CRYBG1: variants seen among roughly 807,000 people sequenced by gnomAD.
CRYBG1 encodes beta/gamma crystallin domain-containing protein 1.
A neutral mutation model predicts 189.2 loss-of-function variants in CRYBG1; 139 were observed. That is an observed-to-expected ratio of 0.73 (90% CI 0.64 to 0.85). CRYBG1 has a LOEUF of 0.85. Ranked by LOEUF, CRYBG1 falls within the 40% of genes least tolerant of loss-of-function variation. The pLI is 0.00. For missense variants in CRYBG1, 2,611 were observed against 2,675.8 expected (o/e 0.98, Z 0.53); for synonymous variants, 1,023 against 1,017.1 (o/e 1.01, Z -0.11).
At chr6:106,555,430 G>A (rs1774512154) in intron 16 of CRYBG1, among the ~76,000 whole-genome samples, 1 of 152,080 alleles carries the variant, frequency 6.6e-6, no homozygotes, top group South Asian at 2.1e-4. Flanking sequence ...GCTTGAAGAA[G>A]GATTATTCAA....
At chr6:106,510,645 C>T (rs1773234819) in intron 2 of CRYBG1, among the ~76,000 whole-genome samples, 1 of 152,342 alleles carries the variant, frequency 6.6e-6, no homozygotes, top group East Asian at 1.9e-4. Context: ...ATCCTTCAGC[C>T]ACACCTCCTC....
chr6:106,374,696 A>T (rs981112405), intron 1 of CRYBG1, among the ~76,000 whole-genome samples: 90 of 152,368 alleles, frequency 5.9e-4, no homozygotes, highest in African/African-American at 2.1e-3. Context: ...ATGTTAGTGT[A>T]TATAAATTCT....
chr6:106,381,890 A>T (rs143587874), intron 1 of CRYBG1, among the ~76,000 whole-genome samples: 29 of 152,344 alleles, frequency 1.9e-4, no homozygotes, highest in African/African-American at 6.5e-4. Context: ...GGGCATGGAC[A>T]ATGTCTGACA....
chr6:106,511,460 A>G lies in CRYBG1; in HGVS notation c.343A>G (p.Arg115Gly). 6.5e-7 allele frequency: 1 copy of G among 1,535,860 alleles called. No individual in the cohort carries two copies. Among genetic ancestry groups the G allele is most frequent in the East Asian group, 2.4e-5 (1 of 40,924 alleles). ...SRAQPPEDNRRKPVLGKLGTL... is the reference protein window; with the variant it reads ...SRAQPPEDNRGKPVLGKLGTL... ...AGCACAACCTCCAGAAGACAACAGA[A>G]GGAAGCCAGTTTTGGGGAAACTTGG... The change falls in exon 3 of 22, where the codon AGG (arginine) becomes GGG (glycine). Residue 115 changes from arginine (R) to glycine (G), a missense_variant. Physicochemically the swap from Arg to Gly is moderately radical, Grantham distance 125 (BLOSUM62 -2). Coordinates refer to ENST00000633556, the MANE Select transcript of CRYBG1 (RefSeq NM_001371242.2).
At chr6:106,370,635 T>C (rs1417801042) in intron 1 of CRYBG1, among the ~76,000 whole-genome samples, 2 of 152,224 alleles carry the variant, frequency 1.3e-5, no homozygotes, top group African/African-American at 4.8e-5. Flanking sequence ...TTCTGTGAAA[T>C]AAGCCCATAC....
At chr6:106,540,128 TG>T (rs931199328) in intron 9 of CRYBG1, among the ~76,000 whole-genome samples, 3 of 152,116 alleles carry the variant, frequency 2.0e-5, no homozygotes, top group African/African-American at 4.8e-5. Flanking sequence ...GTATCTGCTG[TG>T]GAAGCTTTGT....
intron 18 of CRYBG1, among the ~76,000 whole-genome samples, chr6:106,558,929 C>G (rs1353087208): frequency 2.6e-5 from 4 of 152,028 alleles, no homozygotes; most frequent in African/African-American, 7.2e-5. Flanking sequence ...CGCCACTGTA[C>G]TCCAGTCTGA....
At chr6:106,551,726 C>T in intron 13 of CRYBG1, 126 bp from the exon 14 acceptor site, 2 of 1,065,702 alleles carry the variant, frequency 1.9e-6, no homozygotes, top group Non-Finnish European at 2.8e-6. Flanking sequence ...AATGGAGAAT[C>T]AGAAAAATTA....
At chr6:106,395,703 C>A (rs1413372460) in intron 1 of CRYBG1, among the ~76,000 whole-genome samples, 2 of 151,870 alleles carry the variant, frequency 1.3e-5, no homozygotes, top group African/African-American at 4.8e-5. Flanking sequence ...TTTTGCCATC[C>A]CTGAAGGAGT....
intron 2 of CRYBG1, among the ~76,000 whole-genome samples, chr6:106,510,311 C>A (rs1773220032): frequency 6.6e-6 from 1 of 152,240 alleles, no homozygotes. Flanking sequence ...CCTCTTCCTG[C>A]CCACCTCTAT....
chr6:106,519,429 G>T lies in CRYBG1; in HGVS notation c.2221G>T (p.Gly741Cys). The part of the protein sequence containing the change: ...KKVMPNSPQN[G>C]VLVKETAIET... ...AGTAATGCCAAACAGTCCCCAGAAT[G>T]GTGTGCTGGTTAAGGAAACTGCTAT... The change falls in exon 4 of 22, where the codon GGT becomes TGT. Residue 741 changes from glycine to cysteine, a missense_variant. Gly to Cys is a radical substitution (Grantham distance 159). Transcript: ENST00000633556. 6.2e-7 allele frequency: 1 copy of T among 1,614,064 alleles called. No individual in the cohort carries two copies. Among genetic ancestry groups the T allele is most frequent in the Middle Eastern group, 1.6e-4 (1 of 6,062 alleles).
chr6:106,367,741 A>C (rs1488522783), intron 1 of CRYBG1, among the ~76,000 whole-genome samples: 1 of 150,586 alleles, frequency 6.6e-6, no homozygotes, highest in Non-Finnish European at 1.5e-5. Context: ...AGACAGGAGG[A>C]TTGCTTGAGC....
At chr6:106,546,012 C>G (rs1774260085) in intron 13 of CRYBG1, among the ~76,000 whole-genome samples, 1 of 152,212 alleles carries the variant, frequency 6.6e-6, no homozygotes, top group African/African-American at 2.4e-5. Flanking sequence ...AAGAGCTTCT[C>G]TTTCTCACAA....
chr6:106,363,664 C>G (rs1257490916), intron 1 of CRYBG1, among the ~76,000 whole-genome samples: 1 of 152,172 alleles, frequency 6.6e-6, no homozygotes, highest in East Asian at 1.9e-4. Context: ...CAGGTAGCCA[C>G]CCATATTTGC....
At chr6:106,386,793 G>T (rs116914862) in intron 1 of CRYBG1, among the ~76,000 whole-genome samples, 3 of 152,150 alleles carry the variant, frequency 2.0e-5, no homozygotes, top group Admixed American at 1.3e-4. Context: ...ATGAAGCTTC[G>T]CTCACTTGCC....
chr6:106,507,912 C>G (rs1334513135), intron 2 of CRYBG1, among the ~76,000 whole-genome samples: 3 of 152,032 alleles, frequency 2.0e-5, no homozygotes, highest in Non-Finnish European at 4.4e-5. Flanking sequence ...CCCCTGTCAA[C>G]GAGTCTATCA....
At chr6:106,473,351 A>T (rs1403331372) in intron 2 of CRYBG1, among the ~76,000 whole-genome samples, 1 of 152,138 alleles carries the variant, frequency 6.6e-6, no homozygotes, top group Non-Finnish European at 1.5e-5. Context: ...TCACTCCATA[A>T]TTGGATTAAA....
chr6:106,447,950 GT>G (rs2114431640), intron 1 of CRYBG1, among the ~76,000 whole-genome samples: 1 of 152,280 alleles, frequency 6.6e-6, no homozygotes, highest in African/African-American at 2.4e-5. Flanking sequence ...GATTTCAAGT[GT>G]ATTATTTCTG....
At chr6:106,560,001 G>A (rs1198116052) in intron 18 of CRYBG1, among the ~76,000 whole-genome samples, 1 of 152,000 alleles carries the variant, frequency 6.6e-6, no homozygotes, top group Non-Finnish European at 1.5e-5. Flanking sequence ...AGGCTGAGGT[G>A]GGAGATCACT....
Sources: gnomAD v4.1 joint callset for allele counts (sites outside exome capture counted in the v4.1 genomes callset) on GRCh38, gnomAD v4.1.1 for gene constraint, MANE v1.5 for transcripts, NCBI Gene and HGNC (gene_info 2026-07-23, HGNC 2026-07-21) for gene names.